DOCK9: variants seen among roughly 807,000 people sequenced by gnomAD.
DOCK9 encodes the protein dedicator of cytokinesis 9, also known as dedicator of cytokinesis protein 9.
Under a neutral mutation model 263.3 loss-of-function variants are expected in DOCK9, and 89 were observed. The observed-to-expected ratio is 0.34, with a 90% CI of 0.28 to 0.40. DOCK9 has a LOEUF of 0.40. Ranked by LOEUF, DOCK9 falls within the 10% of genes least tolerant of loss-of-function variation. The pLI, the probability that DOCK9 is intolerant of heterozygous loss-of-function variation, is 1.00. For synonymous variants in DOCK9, 976 were observed against 973.1 expected, an observed-to-expected ratio of 1.00 and a Z score of -0.06; for missense variants, 2,140 against 2,603.4, an observed-to-expected ratio of 0.82 and a Z score of 3.87.
At chr13:99,087,655 T>G (rs2042378152), upstream of DOCK9, among the ~76,000 whole-genome samples, 1 of 152,148 alleles carries the variant, frequency 6.6e-6, no homozygotes, top group African/African-American at 2.4e-5. Flanking sequence ...CGGCGCAGCC[T>G]AACCCTCACA....
intron 2 of DOCK9, among the ~76,000 whole-genome samples, chr13:98,937,956 C>A (rs1387671250): frequency 1.5e-4 from 23 of 152,342 alleles, no homozygotes; most frequent in Non-Finnish European, 4.4e-5. Flanking sequence ...GCAGGGCAGG[C>A]CCACCTAAAG....
rs77129654 is a variant in DOCK9 at position 99,062,205 on chromosome 13, C to T, written c.129+24018G>A. Among the ~76,000 whole-genome samples the T allele has an allele frequency of 7.1e-3, 1,083 of 152,212 alleles. 12 individuals carry two copies. Among genetic ancestry groups the T allele is most frequent in the African/African-American group, 0.025 (1,046 of 41,530 alleles). On this transcript the variant is annotated intron_variant, in intron 1 of 32. Transcript: ENST00000427887. ...TTGTAAAATGTACCAAAGAAAGGTC[C>T]CCTAAGAGCATCTGACAAGCCAACT...
chr13:98,795,960 T>C (rs1448011152), intron 52 of DOCK9, among the ~76,000 whole-genome samples: 2 of 152,080 alleles, frequency 1.3e-5, no homozygotes, highest in Non-Finnish European at 2.9e-5. Flanking sequence ...GGTTTCACCA[T>C]GTTGGCCAGG....
At chr13:99,037,546 A>C (rs1020582476) in intron 1 of DOCK9, among the ~76,000 whole-genome samples, 19 of 152,334 alleles carry the variant, frequency 1.2e-4, no homozygotes, top group African/African-American at 4.6e-4. Context: ...TTGGAAAATA[A>C]TCTTGCAGTT....
At chr13:99,082,347 G>A (rs548195758) in intron 1 of DOCK9, among the ~76,000 whole-genome samples, 16 of 151,716 alleles carry the variant, frequency 1.1e-4, no homozygotes, top group African/African-American at 3.6e-4. Context: ...GCAAAACCCC[G>A]TCTCTACTAA....
At chr13:98,846,977 C>T (rs766436613) in intron 37 of DOCK9, 1 of 178,764 alleles carries the variant, frequency 5.6e-6, no homozygotes, top group Non-Finnish European at 1.2e-5. Flanking sequence ...TTTTCCTTGG[C>T]CCATCTATTT....
intron 11 of DOCK9, 30 bp from the exon 12 acceptor site, chr13:98,902,521 C>G: frequency 6.3e-7 from 1 of 1,599,204 alleles, no homozygotes; most frequent in Non-Finnish European, 8.6e-7. Context: ...CCAATGATCA[C>G]CATGGCTCAA....
intron 1 of DOCK9, among the ~76,000 whole-genome samples, chr13:98,986,461 G>T (rs143121059): frequency 3.3e-5 from 5 of 152,334 alleles, no homozygotes; most frequent in African/African-American, 1.2e-4. Flanking sequence ...TTTACAAAGG[G>T]AATTGTAGCA....
intron 2 of DOCK9, among the ~76,000 whole-genome samples, chr13:98,936,440 C>A (rs9557094): frequency 6.6e-6 from 1 of 151,720 alleles, no homozygotes; most frequent in Non-Finnish European, 1.5e-5. Flanking sequence ...GGCAACATAG[C>A]GTGACCTTGT....
intron 23 of DOCK9, 82 bp downstream of exon 23, chr13:98,882,960 A>G: frequency 5.1e-6 from 6 of 1,169,750 alleles, no homozygotes; most frequent in Non-Finnish European, 7.3e-6. Context: ...CCAAGGGGTG[A>G]GAACACCACT....
intron 1 of DOCK9, among the ~76,000 whole-genome samples, chr13:98,989,481 C>T (rs867636251): frequency 2.0e-5 from 3 of 152,212 alleles, no homozygotes; most frequent in South Asian, 2.1e-4. Flanking sequence ...GAGACCTATG[C>T]TGCAGGCTTT....
intron 1 of DOCK9, among the ~76,000 whole-genome samples, chr13:99,012,787 C>A (rs1468861219): frequency 2.6e-5 from 4 of 152,102 alleles, no homozygotes; most frequent in African/African-American, 9.7e-5. Flanking sequence ...GGTGTGTGTT[C>A]TTGGTAACCA....
chr13:98,965,206 C>T (rs2059077379), intron 1 of DOCK9, among the ~76,000 whole-genome samples: 1 of 152,108 alleles, frequency 6.6e-6, no homozygotes, highest in Non-Finnish European at 1.5e-5. Context: ...GAAGGTCCCA[C>T]GCCATCCTCC....
At chr13:98,852,817 G>C (rs1177033640) in intron 35 of DOCK9, among the ~76,000 whole-genome samples, 1 of 152,208 alleles carries the variant, frequency 6.6e-6, no homozygotes, top group East Asian at 1.9e-4. Flanking sequence ...GGTCCAGATA[G>C]AGCATTCATA....
chr13:99,026,607 G>C, intron 1 of DOCK9, among the ~76,000 whole-genome samples: 1 of 152,244 alleles, frequency 6.6e-6, no homozygotes, highest in Middle Eastern at 3.4e-3. Flanking sequence ...GGACCTGAGG[G>C]CCAAGCCATC....
rs780289537 is a variant in DOCK9, at chr13:98,915,341, C to T, written c.880G>A (p.Asp294Asn). Residue 294 changes from aspartate to asparagine, a missense_variant, in exon 8 of 53, where the codon GAC becomes AAC. Around this residue, in one of 2 missense-constraint regions of DOCK9, gnomAD observed 1,521 missense variants for 1,741.7 expected, o/e 0.87. Transcript: ENST00000682017. ...EAAMQEKRNG[D>N]SHEDDEQSKL... ...CAAGCCTATCTACCTTCGTGAGAGT[C>T]GCCATTTCGCTTTTCTTGCATTGCA... 11 of 1,613,532 alleles carry T rather than the reference C, an allele frequency of 6.8e-6. No individual in the cohort carries two copies. Among genetic ancestry groups the T allele is most frequent in the East Asian group, 2.2e-5 (1 of 44,878 alleles).
intron 9 of DOCK9, among the ~76,000 whole-genome samples, chr13:98,907,819 G>A (rs1413746088): frequency 2.0e-5 from 3 of 152,210 alleles, no homozygotes; most frequent in South Asian, 4.1e-4. Flanking sequence ...TGGTTCAGGG[G>A]TAGCAGGACT....
chr13:98,851,525 C>A (rs2093571248), intron 35 of DOCK9, among the ~76,000 whole-genome samples: 3 of 152,212 alleles, frequency 2.0e-5, no homozygotes, highest in Admixed American at 6.5e-5. Context: ...GGCAATGACG[C>A]TGCCATTCAC....
Position 99,000,232 on chromosome 13 carries a change from G to A in DOCK9, c.130-44681C>T, listed in dbSNP as rs543772544. ...ACAGCCCTTCTCTGAGTCTTCTCCT[G>A]CCCTGATGTGTCCTTCTGAAGATGC... On this transcript the variant is annotated intron_variant, in intron 1 of 32. Transcript: ENST00000427887. Among the ~76,000 whole-genome samples the A allele has an allele frequency of 4.7e-4, 72 of 152,238 alleles. No individual in the cohort carries two copies. The Middle Eastern group carries it at 0.01, about 22-fold the overall frequency.
Sources: allele counts gnomAD v4.1 joint callset (sites outside exome capture counted in the v4.1 genomes callset), GRCh38; gene constraint gnomAD v4.1.1; regional missense constraint gnomAD v4.1.1; transcripts MANE v1.5; gene names NCBI Gene and HGNC (gene_info 2026-07-23, HGNC 2026-07-21).